Variants in DST observed in about 807,000 individuals in gnomAD.
DST encodes the protein bullous pemphigoid antigen.
A neutral mutation model predicts 875.2 loss-of-function variants in DST; 253 were observed. The ratio of observed to expected loss-of-function variants is 0.29; its 90% confidence interval spans 0.26 to 0.32. DST has a LOEUF of 0.32. Among genes scored for constraint, DST ranks in the 10% least tolerant of loss-of-function variants. DST has a pLI of 1.00. For synonymous variants in DST, 3,124 were observed against 3,197.1 expected (o/e 0.98, Z 0.77); for missense variants, 8,287 against 9,111.6 (o/e 0.91, Z 3.68).
intron 4 of DST, among the ~76,000 whole-genome samples, chr6:56,744,438 AG>A (rs1182204838): frequency 1.3e-5 from 2 of 152,164 alleles, no homozygotes; most frequent in Non-Finnish European, 2.9e-5. Flanking sequence ...TGGAGGGAGA[AG>A]AAAGGACGCT....
chr6:56,520,441 T>G (rs1335683114), intron 69 of DST, among the ~76,000 whole-genome samples: 4 of 152,112 alleles, frequency 2.6e-5, no homozygotes, highest in South Asian at 2.1e-4. Flanking sequence ...CAGAGCAGCA[T>G]GAAGAATTCT....
chr6:56,911,246 C>A (rs1224086777), intron 2 of DST, among the ~76,000 whole-genome samples: 3 of 152,172 alleles, frequency 2.0e-5, no homozygotes, highest in Non-Finnish European at 4.4e-5. Flanking sequence ...GCTTCTCAAA[C>A]TTTAATATGT....
chr6:56,557,549 A>G, intron 58 of DST, 31 bp from the exon 59 acceptor site: 1 of 1,545,630 alleles, frequency 6.5e-7, no homozygotes, highest in African/African-American at 1.4e-5. Context: ...CTGGTGTTTG[A>G]CATTTTTTGC....
chr6:56,552,316 C>A lies in DST; in HGVS notation c.16476G>T (p.Lys5492Asn). The A allele has an allele frequency of 6.2e-7, 1 of 1,613,950 alleles. No homozygotes were observed. Among genetic ancestry groups the A allele is most frequent in the Non-Finnish European group, 8.5e-7 (1 of 1,179,892 alleles). ...AREEQVEGTI[K>N]RLEEFYSKLK... ...ATTTGCTGTAAAATTCTTCAAGGCG[C>A]TTAATTGTCCCTTCAACCTGCTCTT... The change falls in exon 61 of 104, where the codon AAG becomes AAT. Residue 5492 changes from lysine (K) to asparagine (N), a missense_variant. Coordinates refer to ENST00000680361, the MANE Select transcript of DST (RefSeq NM_001374736.1).
rs1261899690 is a variant in DST at position 56,701,943 on chromosome 6, C to T, written c.899G>A (p.Arg300His). The T allele has an allele frequency of 2.5e-6, 4 of 1,611,258 alleles. No individual in the cohort carries two copies. The highest frequency in any genetic ancestry group is 2.2e-5 in the East Asian group (1 of 44,762). ...DKGPREKGRM[R>H]FHRLQNVQIA... ...TTGTACATTCTGTAGTCTGTGAAAA[C>T]GCATCCGACCTTTTTCTCTGGGCTA... The change falls in exon 8 of 104, where the codon CGT becomes CAT. Residue 300 changes from arginine (R) to histidine (H), a missense_variant. This residue lies in a region of DST where 1,160 missense variants were observed against 1,424.3 expected (regional missense o/e 0.81). Transcript: ENST00000680361.
chr6:56,482,902 T>C lies in DST; in HGVS notation c.21208-25A>G, dbSNP rs1323322. ...CCTAAGAAGACCATATTTTGAAAAA[T>C]TAATTTTAATTACAAAACCAAAACA... On this transcript the variant is annotated intron_variant, in intron 88 of 103. Transcript: ENST00000680361. 5,849 of 1,460,120 alleles carry C rather than the reference T, an allele frequency of 4.0e-3. 220 individuals carry two copies. The East Asian group carries it at 0.09, about 23-fold the overall frequency. 90.4% of individuals were successfully genotyped at this position (1,460,120 alleles called of 1,614,324 possible). A position where few individuals can be genotyped will look rare whatever the true frequency, so the allele number is the denominator to read the frequency against.
intron 4 of DST, among the ~76,000 whole-genome samples, chr6:56,755,497 A>C (rs2099599845): frequency 6.6e-6 from 1 of 152,228 alleles, no homozygotes; most frequent in Non-Finnish European, 1.5e-5. Flanking sequence ...GCAGATACTT[A>C]CATTTAAAGA....
chr6:56,515,375 G>A, intron 72 of DST, 75 bp downstream of exon 72: 2 of 1,511,738 alleles, frequency 1.3e-6, no homozygotes, highest in Non-Finnish European at 1.8e-6. Context: ...GTGTTTAACT[G>A]TACTAAAAAC....
At position 56,501,514 on chromosome 6, in the gene DST, A is replaced by G. The variant is rs1269846872; in HGVS notation, c.19740+6T>C. Reference sequence around the variant, plus strand: ...ATAATTTCTTAAGAAAAGTCTTGGTATTTACCTGTCTGTTGATGATTCTCT... The same window carrying G: ...ATAATTTCTTAAGAAAAGTCTTGGTGTTTACCTGTCTGTTGATGATTCTCT... On this transcript the variant is annotated splice_donor_region_variant and intron_variant, in intron 79 of 103. Coordinates refer to ENST00000680361, the MANE Select transcript of DST (RefSeq NM_001374736.1). The G allele has an allele frequency of 6.5e-7, 1 of 1,531,126 alleles. No homozygotes were observed. Among genetic ancestry groups the G allele is most frequent in the Non-Finnish European group, 8.8e-7 (1 of 1,139,774 alleles). 94.8% of individuals were successfully genotyped at this position (1,531,126 alleles called of 1,614,324 possible). A position where few individuals can be genotyped will look rare whatever the true frequency, so the allele number is the denominator to read the frequency against.
At position 56,503,899 on chromosome 6, in the gene DST, ATACT is replaced by A; in HGVS notation, c.19566+94_19566+97del. 3 of 766,644 alleles carry A rather than the reference ATACT, an allele frequency of 3.9e-6. No homozygotes were observed. In the South Asian group the frequency reaches 6.0e-5, roughly 15 times the overall value. The allele number at this position is 766,644 out of a possible 1,614,324, so 47.5% of individuals were successfully genotyped here. Reference sequence around the variant, plus strand: ...AAACTAGCTTTATAATTAAGCTGTCATACTTACATTAGGTAAAATAAATTTATGT... The same window carrying A: ...AAACTAGCTTTATAATTAAGCTGTCATACATTAGGTAAAATAAATTTATGT... On this transcript the variant is annotated intron_variant, in intron 78 of 103. Transcript: ENST00000680361.
chr6:56,605,393 T>C lies in DST; in HGVS notation c.9235A>G (p.Lys3079Glu), dbSNP rs755848377. 2.5e-6 allele frequency: 4 copies of C among 1,612,730 alleles called. No individual in the cohort carries two copies. In the South Asian group the frequency reaches 4.4e-5, roughly 18 times the overall value. The change falls in exon 40 of 104, where the codon AAA becomes GAA. Residue 3079 changes from lysine (K) to glutamate (E), a missense_variant. Lys to Glu is a moderately conservative substitution (Grantham distance 56). Coordinates refer to ENST00000680361, the MANE Select transcript of DST (RefSeq NM_001374736.1). ...ENRHLKLLPG[K>E]NTRDSFKLIN... ...AACTTGAAACTATCCCTTGTATTTT[T>C]ACCAGGCAAAAGTTTGAGATGCCTA...
At chr6:56,912,248 G>C (rs999830772) in intron 2 of DST, among the ~76,000 whole-genome samples, 3 of 152,234 alleles carry the variant, frequency 2.0e-5, no homozygotes, top group Non-Finnish European at 2.9e-5. Context: ...TCTTGGGGTC[G>C]GGCGCAGCAC....
chr6:56,616,775 AT>A (rs1227214885), intron 36 of DST: 2 of 1,614,210 alleles, frequency 1.2e-6, no homozygotes, highest in East Asian at 4.5e-5. Context: ...TCTATTTTCC[AT>A]AGCTTGAAAC....
chr6:56,685,715 A>T (rs1315239651), intron 9 of DST, among the ~76,000 whole-genome samples: 1 of 152,168 alleles, frequency 6.6e-6, no homozygotes, highest in African/African-American at 2.4e-5. Context: ...ACGCCACTGA[A>T]TTCTAGCCTG....
intron 5 of DST, among the ~76,000 whole-genome samples, chr6:56,730,880 C>A (rs1190753706): frequency 6.6e-6 from 1 of 152,056 alleles, no homozygotes; most frequent in Non-Finnish European, 1.5e-5. Context: ...ACTGAACTAC[C>A]GGAACACTAA....
chr6:56,542,336 G>GA (rs1209715017), intron 61 of DST, among the ~76,000 whole-genome samples: 1 of 121,042 alleles, frequency 8.3e-6, no homozygotes, highest in Non-Finnish European at 1.7e-5. Context: ...AAGGAAGAAA[G>GA]AAAAAAACAC....
chr6:56,583,405 TG>T (rs1194801921), intron 49 of DST, among the ~76,000 whole-genome samples: 1 of 152,208 alleles, frequency 6.6e-6, no homozygotes, highest in East Asian at 1.9e-4. Context: ...TTTTGAGAAG[TG>T]TCTGTTCATA....
chr6:56,642,168 C>T (rs1216634622), intron 16 of DST, 67 bp from the exon 17 acceptor site: 10 of 1,327,680 alleles, frequency 7.5e-6, no homozygotes, highest in African/African-American at 7.2e-5. Context: ...AAATATAAAA[C>T]ATCAAATATT....
At chr6:56,733,890 A>C (rs1018807927) in intron 5 of DST, among the ~76,000 whole-genome samples, 1 of 152,236 alleles carries the variant, frequency 6.6e-6, no homozygotes, top group African/African-American at 2.4e-5. Context: ...GGGGGAAATA[A>C]GTGAATAATA....
Sources: allele counts gnomAD v4.1 joint callset (sites outside exome capture counted in the v4.1 genomes callset), GRCh38; gene constraint gnomAD v4.1.1; regional missense constraint gnomAD v4.1.1; transcripts MANE v1.5; gene names NCBI Gene and HGNC (gene_info 2026-07-23, HGNC 2026-07-21).